The following MET variants were observed in gnomAD, a reference collection of about 807,000 sequenced individuals.
MET encodes the protein MET proto-oncogene, receptor tyrosine kinase.
Under a neutral mutation model 133.1 loss-of-function variants are expected in MET, and 48 were observed. That is an observed-to-expected ratio of 0.36 (90% CI 0.29 to 0.46). MET has a LOEUF of 0.46. Ranked by LOEUF, MET falls within the 20% of genes least tolerant of loss-of-function variation. MET has a pLI of 1.00. For missense variants in MET, 1,442 were observed against 1,695.9 expected (o/e 0.85, Z 2.63); for synonymous variants, 628 against 616.5 (o/e 1.02, Z -0.28).
chr7:116,716,274 A>C (rs1792188422), intron 2 of MET, among the ~76,000 whole-genome samples: 1 of 98,182 alleles, frequency 1.0e-5, no homozygotes, highest in Non-Finnish European at 2.0e-5. Context: ...AGAGGGAAGG[A>C]GGGAGAGAGG....
intron 1 of MET, among the ~76,000 whole-genome samples, chr7:116,675,076 G>T (rs1796110168): frequency 6.6e-6 from 1 of 152,188 alleles, no homozygotes; most frequent in African/African-American, 2.4e-5. Context: ...CATGGGTTTT[G>T]CTCAGTGCAA....
chr7:116,684,120 C>T lies in MET; in HGVS notation c.-15+11543C>T, dbSNP rs536609409. Among the ~76,000 whole-genome samples the T allele has an allele frequency of 5.3e-5, 8 of 152,206 alleles. No homozygotes were observed. In the South Asian group the frequency reaches 1.7e-3, roughly 32 times the overall value. ...CTAATTACTTTTACCCTCAAAGTCT[C>T]CTCTCCCTATTTTCCTTACCTTGGT... On this transcript the variant is annotated intron_variant, in intron 1 of 20. Coordinates refer to ENST00000397752, the MANE Select transcript of MET (RefSeq NM_000245.4).
At chr7:116,674,355 A>G (rs539379996) in intron 1 of MET, among the ~76,000 whole-genome samples, 2 of 152,328 alleles carry the variant, frequency 1.3e-5, no homozygotes, top group African/African-American at 4.8e-5. Flanking sequence ...TAAGCAGGAG[A>G]AATACCCATA....
At chr7:116,677,642 T>G (rs1205731011) in intron 1 of MET, among the ~76,000 whole-genome samples, 3 of 152,262 alleles carry the variant, frequency 2.0e-5, no homozygotes, top group Non-Finnish European at 4.4e-5. Flanking sequence ...TGGTCCCAAT[T>G]GCAGCAGCAT....
At position 116,795,910 on chromosome 7, in the gene MET, G is replaced by A. The variant is rs2117110716; in HGVS notation, c.3959G>A (p.Trp1320Ter). Residue 1320 changes from tryptophan to a stop codon, truncating the protein, a stop_gained, in exon 21 of 21, where the codon TGG becomes TAG. Coordinates refer to ENST00000397752, the MANE Select transcript of MET (RefSeq NM_000245.4). LOFTEE classifies it high-confidence loss of function. ...AGATATGAAGTAATGCTAAAATGCTGGCACCCTAAAGCCGAAATGCGCCCA... is the reference window on the plus strand; with the variant it reads ...AGATATGAAGTAATGCTAAAATGCTAGCACCCTAAAGCCGAAATGCGCCCA... The part of the protein sequence containing the change: ...DPLYEVMLKC[W>*]HPKAEMRPSF... 6.2e-7 allele frequency: 1 copy of A among 1,614,126 alleles called. No homozygotes were observed. Among genetic ancestry groups the A allele is most frequent in the Non-Finnish European group, 8.5e-7 (1 of 1,180,022 alleles).
intron 1 of MET, among the ~76,000 whole-genome samples, chr7:116,681,733 A>G (rs1796366519): frequency 6.6e-6 from 1 of 152,196 alleles, no homozygotes; most frequent in African/African-American, 2.4e-5. Context: ...GCTCCAGCCA[A>G]TGGCTACACT....
intron 2 of MET, 126 bp downstream of exon 2, chr7:116,700,410 G>A: frequency 9.3e-7 from 1 of 1,073,876 alleles, no homozygotes; most frequent in Non-Finnish European, 1.3e-6. Flanking sequence ...AATAGTTGCA[G>A]ATTTTTTCCA....
chr7:116,707,992 A>G (rs1412713259), intron 2 of MET, among the ~76,000 whole-genome samples: 1 of 152,162 alleles, frequency 6.6e-6, no homozygotes, highest in East Asian at 1.9e-4. Context: ...GAAAGGATTA[A>G]TTCATGTAAC....
intron 10 of MET, among the ~76,000 whole-genome samples, chr7:116,760,257 C>T (rs1464974627): frequency 1.3e-5 from 2 of 152,074 alleles, no homozygotes; most frequent in African/African-American, 4.8e-5. Flanking sequence ...CTTACAGCCC[C>T]CTGTTCTTCT....
chr7:116,758,693 G>T lies in MET; in HGVS notation c.2264+73G>T, dbSNP rs866255765. 4.1e-6 allele frequency: 6 copies of T among 1,471,390 alleles called. No individual in the cohort carries two copies. In the Middle Eastern group the frequency reaches 8.9e-4, roughly 219 times the overall value. 91.1% of individuals were successfully genotyped at this position (1,471,390 alleles called of 1,614,324 possible). A position where few individuals can be genotyped will look rare whatever the true frequency, so the allele number is the denominator to read the frequency against. On this transcript the variant is annotated intron_variant, in intron 9 of 20. Transcript: ENST00000397752. Reference sequence around the variant, plus strand: ...TGATTTTGCTGTAGAATAGTCAAGAGGAATTGCAGTTTTATCTCTGGCTTT... The same window carrying T: ...TGATTTTGCTGTAGAATAGTCAAGATGAATTGCAGTTTTATCTCTGGCTTT...
intron 1 of MET, chr7:116,695,656 G>T: frequency 2.8e-6 from 1 of 359,350 alleles, no homozygotes; most frequent in Non-Finnish European, 5.8e-6. Context: ...GTTCTTGTTA[G>T]CCAGACGTGG....
chr7:116,714,743 ACG>A (rs1554382816), intron 2 of MET, among the ~76,000 whole-genome samples: 5 of 117,030 alleles, frequency 4.3e-5, no homozygotes, highest in Admixed American at 2.0e-4. Context: ...ACTCACATGC[ACG>A]CACACACACA....
At position 116,740,752 on chromosome 7, in the gene MET, A is replaced by G; in HGVS notation, c.1528-100A>G. The G allele has an allele frequency of 2.8e-6, 4 of 1,454,390 alleles. No individual in the cohort carries two copies. The South Asian group carries it at 4.6e-5, about 17-fold the overall frequency. 90.1% of individuals were successfully genotyped at this position (1,454,390 alleles called of 1,614,324 possible). The stretch of plus-strand genomic sequence containing the variant: ...ATAGTTGCTAAGTCTAGAAAATTCC[A>G]TCAAATGATATTTACATGTACCTTT... On this transcript the variant is annotated intron_variant, in intron 4 of 20. Transcript: ENST00000397752.
In MET at chr7:116,777,389, G is replaced by A; in HGVS notation, c.3260G>A (p.Gly1087Glu). 1 of 1,613,502 alleles carries A rather than the reference G, an allele frequency of 6.2e-7. No homozygotes were observed. Among genetic ancestry groups the A allele is most frequent in the Non-Finnish European group, 8.5e-7 (1 of 1,179,584 alleles). Residue 1087 changes from glycine to glutamate, a missense_variant and splice_region_variant, in exon 16 of 21, where the codon GGG becomes GAG. Transcript: ENST00000397752. Reference protein sequence around the residue: ...IVHFNEVIGRGHFGCVYHGTL... With the variant: ...IVHFNEVIGREHFGCVYHGTL... ...TAACCAAGTTCTTTCTTTTGCACAGGGCATTTTGGTTGTGTATATCATGGG... is the reference window on the plus strand; with the variant it reads ...TAACCAAGTTCTTTCTTTTGCACAGAGCATTTTGGTTGTGTATATCATGGG...
intron 2 of MET, among the ~76,000 whole-genome samples, chr7:116,703,459 T>C (rs117780183): frequency 0.028 from 4,310 of 152,292 alleles, 91 homozygotes; most frequent in Non-Finnish European, 0.046. Flanking sequence ...GCATATTCTC[T>C]AAATAGCATA....
chr7:116,770,537 C>A (rs900859752), intron 12 of MET, among the ~76,000 whole-genome samples: 2 of 151,946 alleles, frequency 1.3e-5, no homozygotes, highest in African/African-American at 4.8e-5. Flanking sequence ...TTTTCGTCAC[C>A]CCAAACAGAT....
rs556715633 is a variant in MET at position 116,690,039 on chromosome 7, A to G, written c.-14-9032A>G. Among the ~76,000 whole-genome samples the G allele has an allele frequency of 2.0e-4, 31 of 152,222 alleles. No homozygotes were observed. In the South Asian group the frequency reaches 6.4e-3, roughly 32 times the overall value. Reference sequence around the variant, plus strand: ...CTAAAGGGTGGGAAAAGAAGAAATAACACTATTTAAACTTTAGATGAGAGG... The same window carrying G: ...CTAAAGGGTGGGAAAAGAAGAAATAGCACTATTTAAACTTTAGATGAGAGG... On this transcript the variant is annotated intron_variant, in intron 1 of 20. Transcript: ENST00000397752.
intron 2 of MET, among the ~76,000 whole-genome samples, chr7:116,715,691 GAT>G (rs917003024): frequency 6.6e-6 from 1 of 152,156 alleles, no homozygotes; most frequent in African/African-American, 2.4e-5. Context: ...CTGTTATGTA[GAT>G]ATGTGTTTTC....
chr7:116,716,296 A>G (rs945430184), intron 2 of MET, among the ~76,000 whole-genome samples: 10 of 103,050 alleles, frequency 9.7e-5, no homozygotes, highest in South Asian at 4.0e-4. Flanking sequence ...AGAGAGAGAG[A>G]GAGAGAGAGA....
Sources: gnomAD v4.1 joint callset for allele counts (sites outside exome capture counted in the v4.1 genomes callset) on GRCh38, gnomAD v4.1.1 for gene constraint, MANE v1.5 for transcripts, NCBI Gene and HGNC (gene_info 2026-07-23, HGNC 2026-07-21) for gene names.